Variants in ZMYM4 observed in about 807,000 individuals in gnomAD.
ZMYM4 encodes zinc finger MYM-type protein 4.
ZMYM4 carries 31 observed loss-of-function variants against 183.2 expected under a neutral mutation model. The observed-to-expected ratio is 0.17, with a 90% CI of 0.13 to 0.23. The LOEUF is 0.23. Among genes scored for constraint, ZMYM4 ranks in the 10% least tolerant of loss-of-function variants. The pLI, the probability that ZMYM4 is intolerant of heterozygous loss-of-function variation, is 1.00. For missense variants in ZMYM4, 1,273 were observed against 1,840.3 expected, an observed-to-expected ratio of 0.69 and a Z score of 5.64; for synonymous variants, 592 against 631.2, an observed-to-expected ratio of 0.94 and a Z score of 0.93.
Position 35,405,128 on chromosome 1 carries a change from A to C in ZMYM4, c.3634A>C (p.Asn1212His). 1 of 1,614,112 alleles carries C rather than the reference A, an allele frequency of 6.2e-7. No individual in the cohort carries two copies. Among genetic ancestry groups the C allele is most frequent in the Non-Finnish European group, 8.5e-7 (1 of 1,180,018 alleles). ...GMTLKYMYGV[N>H]AWKNWVQWKN... ...GACACTGAAATACATGTATGGGGTAAATGCTTGGAAGAACTGGGTTCAGTG... is the reference window on the plus strand; with the variant it reads ...GACACTGAAATACATGTATGGGGTACATGCTTGGAAGAACTGGGTTCAGTG... Residue 1212 changes from asparagine to histidine, a missense_variant, in exon 24 of 30, where the codon AAT (asparagine) becomes CAT (histidine). Asn to His is a moderately conservative substitution (Grantham distance 68). Around this residue, in one of 6 missense-constraint regions of ZMYM4, gnomAD observed 133 missense variants for 155.7 expected, o/e 0.85. Coordinates refer to ENST00000314607, the MANE Select transcript of ZMYM4 (RefSeq NM_005095.3).
At chr1:35,323,805 C>T (rs1451697133) in intron 1 of ZMYM4, among the ~76,000 whole-genome samples, 1 of 151,382 alleles carries the variant, frequency 6.6e-6, no homozygotes, top group Non-Finnish European at 1.5e-5. Flanking sequence ...CCACCCGTCT[C>T]GGCCTCCCAA....
At chr1:35,352,259 A>ACGCGCGCG (rs376025575) in intron 2 of ZMYM4, among the ~76,000 whole-genome samples, 14 of 77,592 alleles carry the variant, frequency 1.8e-4, no homozygotes, top group African/African-American at 9.9e-4. Flanking sequence ...ATTAGCGCGC[A>ACGCGCGCG]CGCGCGCGCG....
At chr1:35,333,864 G>T (rs777466758) in intron 2 of ZMYM4, among the ~76,000 whole-genome samples, 1 of 152,012 alleles carries the variant, frequency 6.6e-6, no homozygotes, top group Non-Finnish European at 1.5e-5. Context: ...TCTATTCTGT[G>T]ATTTTAATGC....
chr1:35,355,540 C>CT (rs1643791493), intron 2 of ZMYM4, among the ~76,000 whole-genome samples: 1 of 152,052 alleles, frequency 6.6e-6, no homozygotes, highest in South Asian at 2.1e-4. Flanking sequence ...TAGGTCCTAT[C>CT]TTTATCTTTT....
chr1:35,399,606 T>C, intron 23 of ZMYM4, 30 bp downstream of exon 23: 1 of 1,610,018 alleles, frequency 6.2e-7, no homozygotes, highest in Non-Finnish European at 8.5e-7. Context: ...TTCTAGACTT[T>C]TCTTTCCTTC....
intron 1 of ZMYM4, among the ~76,000 whole-genome samples, chr1:35,322,407 T>A (rs1308230426): frequency 6.6e-6 from 1 of 152,150 alleles, no homozygotes; most frequent in Admixed American, 6.5e-5. Context: ...TTTTCTATCT[T>A]CTAGGGCTTT....
At chr1:35,393,468 TG>T in intron 17 of ZMYM4, 126 bp from the exon 18 acceptor site, 1 of 836,906 alleles carries the variant, frequency 1.2e-6, no homozygotes, top group Non-Finnish European at 1.8e-6. Context: ...TACATTTGGT[TG>T]AATATTTACT....
chr1:35,415,607 A>G lies in ZMYM4; in HGVS notation c.4202A>G (p.Lys1401Arg), dbSNP rs1351366601. ...FQLKNVTEHLKLSFAHVMRRT... is the reference protein window; with the variant it reads ...FQLKNVTEHLRLSFAHVMRRT... ...CTAAAGAATGTTACTGAGCACTTGA[A>G]GCTTTCCTTTGCCCATGTGATGAGA... Residue 1401 changes from lysine (K) to arginine (R), a missense_variant, in exon 28 of 30, where the codon AAG becomes AGG. Physicochemically the swap from Lys to Arg is conservative, Grantham distance 26 (BLOSUM62 2). Transcript: ENST00000314607. 1 of 1,614,102 alleles carries G rather than the reference A, an allele frequency of 6.2e-7. No homozygotes were observed. The highest frequency in any genetic ancestry group is 8.5e-7 in the Non-Finnish European group (1 of 1,180,042).
At chr1:35,329,439 T>C (rs1455696135) in intron 2 of ZMYM4, among the ~76,000 whole-genome samples, 1 of 152,202 alleles carries the variant, frequency 6.6e-6, no homozygotes, top group African/African-American at 2.4e-5. Context: ...TTTTATTTAA[T>C]ATATTCAGAT....
At chr1:35,308,172 A>T (rs1169396081) in intron 1 of ZMYM4, among the ~76,000 whole-genome samples, 3 of 151,352 alleles carry the variant, frequency 2.0e-5, no homozygotes, top group African/African-American at 4.9e-5. Context: ...TTGTATTTTT[A>T]GTAGAAATGG....
intron 7 of ZMYM4, 46 bp from the exon 8 acceptor site, chr1:35,381,213 G>T (rs769907942): frequency 2.1e-6 from 3 of 1,445,436 alleles, no homozygotes; most frequent in Middle Eastern, 2.4e-4. Flanking sequence ...AAAGGAAAAA[G>T]AAATGAATTA....
intron 24 of ZMYM4, 23 bp from the exon 25 acceptor site, chr1:35,405,350 T>C (rs1644983757): frequency 6.3e-7 from 1 of 1,584,608 alleles, no homozygotes; most frequent in South Asian, 1.2e-5. Context: ...TAAACTTTTC[T>C]TTTATGTTTC....
chr1:35,335,716 G>T (rs1231350831), intron 2 of ZMYM4, among the ~76,000 whole-genome samples: 1 of 152,156 alleles, frequency 6.6e-6, no homozygotes, highest in African/African-American at 2.4e-5. Flanking sequence ...CACTTTGGGA[G>T]GTCAAGGTGG....
intron 16 of ZMYM4, 112 bp downstream of exon 16, chr1:35,392,464 G>A: frequency 1.4e-6 from 2 of 1,403,746 alleles, no homozygotes. Flanking sequence ...TCAATATTAG[G>A]AATAGTGGCT....
At chr1:35,352,277 A>G (rs796223596) in intron 2 of ZMYM4, among the ~76,000 whole-genome samples, 8,043 of 112,640 alleles carry the variant, frequency 0.071, 525 homozygotes, top group African/African-American at 0.2. Context: ...GCGCACACAC[A>G]CACACACACA....
At chr1:35,419,151 T>C (rs995577482) in intron 29 of ZMYM4, among the ~76,000 whole-genome samples, 9 of 152,192 alleles carry the variant, frequency 5.9e-5, no homozygotes, top group African/African-American at 2.2e-4. Context: ...TTTGAAGTAC[T>C]AAAGTTTATG....
At chr1:35,409,258 T>C (rs773035736) in intron 26 of ZMYM4, among the ~76,000 whole-genome samples, 3 of 152,242 alleles carry the variant, frequency 2.0e-5, no homozygotes, top group Non-Finnish European at 2.9e-5. Flanking sequence ...AGGTTTTTGT[T>C]TGAACACCTA....
At chr1:35,294,127 A>G (rs1226105114) in intron 1 of ZMYM4, among the ~76,000 whole-genome samples, 2 of 143,306 alleles carry the variant, frequency 1.4e-5, no homozygotes, top group Admixed American at 6.7e-5. Context: ...AGAGTGAGAC[A>G]CTGTCTCAAA....
intron 12 of ZMYM4, 47 bp downstream of exon 12, chr1:35,387,325 T>G: frequency 6.3e-7 from 1 of 1,591,052 alleles, no homozygotes; most frequent in Non-Finnish European, 8.6e-7. Context: ...TACGTGGGTC[T>G]ATTTGTAAAA....
Sources: allele counts gnomAD v4.1 joint callset (sites outside exome capture counted in the v4.1 genomes callset), GRCh38; gene constraint gnomAD v4.1.1; regional missense constraint gnomAD v4.1.1; transcripts MANE v1.5; gene names NCBI Gene and HGNC (gene_info 2026-07-23, HGNC 2026-07-21).